Variants in BLTP1 observed in about 807,000 individuals in gnomAD.
BLTP1 encodes the protein bridge-like lipid transfer protein family member 1, also known as fragile site-associated protein.
chr4:122,350,053 G>C, the BLTP1 span: 1 of 1,613,492 alleles, frequency 6.2e-7, no homozygotes, highest in Admixed American at 1.7e-5. Context: ...TAGCAACCTA[G>C]AAAAAAGTTC....
At chr4:122,287,676 T>A in the BLTP1 span, 1 of 985,124 alleles carries the variant, frequency 1.0e-6, no homozygotes, top group African/African-American at 1.7e-5. Flanking sequence ...GATAGAAATA[T>A]TATAACTGCG....
the BLTP1 span, among the ~76,000 whole-genome samples, chr4:122,210,424 A>G: frequency 6.6e-6 from 1 of 152,140 alleles, no homozygotes; most frequent in Non-Finnish European, 1.5e-5. Flanking sequence ...ATTAGAGCCA[A>G]ATGATGATGT....
chr4:122,189,628 A>G, the BLTP1 span: 2 of 927,728 alleles, frequency 2.2e-6, no homozygotes, highest in South Asian at 1.0e-4. Context: ...ATTTTATTCC[A>G]GTGATCATCA....
chr4:122,260,900 A>G, the BLTP1 span, among the ~76,000 whole-genome samples: 3 of 152,162 alleles, frequency 2.0e-5, no homozygotes, highest in Non-Finnish European at 4.4e-5. Context: ...GATGAAGTAG[A>G]TCTGTAAGTG....
the BLTP1 span, chr4:122,299,869 A>T: frequency 1.0e-6 from 1 of 984,934 alleles, no homozygotes; most frequent in East Asian, 1.1e-4. Context: ...AAGAAAAGAA[A>T]ATGTAATCTG....
At chr4:122,154,921 T>C in the BLTP1 span, 1 of 948,452 alleles carries the variant, frequency 1.1e-6, no homozygotes, top group Non-Finnish European at 1.3e-6. Context: ...TTTTGGTTTG[T>C]TTTTCATAGA....
At chr4:122,264,369 T>C in the BLTP1 span, 2 of 1,611,712 alleles carry the variant, frequency 1.2e-6, no homozygotes, top group Non-Finnish European at 1.7e-6. Context: ...CAGGATGATG[T>C]GGCAGGTGTA....
the BLTP1 span, chr4:122,172,990 G>A: frequency 3.1e-6 from 5 of 1,608,756 alleles, no homozygotes; most frequent in Admixed American, 1.7e-5. Context: ...ACACATTACT[G>A]TGTAGAAGTA....
chr4:122,173,207 C>T, the BLTP1 span: 1 of 1,570,634 alleles, frequency 6.4e-7, no homozygotes, highest in Non-Finnish European at 8.7e-7. Context: ...GAGATGTTGT[C>T]TTACCATTTT....
the BLTP1 span, chr4:122,353,203 G>T: frequency 1.2e-5 from 19 of 1,582,204 alleles, no homozygotes; most frequent in East Asian, 3.8e-4. This position sits in a 1 kb window ranked among gnomAD's most constrained non-coding sequence, Gnocchi z 4.3. Flanking sequence ...CTTCTGTTAT[G>T]ACTATAAATG....
chr4:122,344,671 G>A, the BLTP1 span: 5 of 1,138,702 alleles, frequency 4.4e-6, no homozygotes, highest in Admixed American at 1.2e-4. Flanking sequence ...AGCTTTCAGT[G>A]ATAAGTTGAT....
the BLTP1 span, chr4:122,173,025 C>T: frequency 6.2e-7 from 1 of 1,611,076 alleles, no homozygotes; most frequent in Non-Finnish European, 8.5e-7. Flanking sequence ...TGATTTTTTT[C>T]CTCCCAACAG....
At chr4:122,176,338 A>G in the BLTP1 span, among the ~76,000 whole-genome samples, 7 of 152,144 alleles carry the variant, frequency 4.6e-5, no homozygotes, top group African/African-American at 1.7e-4. Context: ...AATTTTTAAA[A>G]ATGAGTGAAG....
the BLTP1 span, among the ~76,000 whole-genome samples, chr4:122,166,032 A>C: frequency 1.3e-4 from 20 of 151,778 alleles, no homozygotes; most frequent in Non-Finnish European, 1.2e-4. Context: ...TTGCCTGTTC[A>C]CTCTAATGGT....
At chr4:122,209,872 T>C in the BLTP1 span, 9 of 1,613,634 alleles carry the variant, frequency 5.6e-6, no homozygotes, top group East Asian at 1.8e-4. Context: ...CAATTGATTA[T>C]ACATGGCATC....
At chr4:122,255,947 G>A in the BLTP1 span, 4 of 490,116 alleles carry the variant, frequency 8.2e-6, no homozygotes, top group Admixed American at 2.6e-4. Context: ...TTAAGCAAGA[G>A]AATAATCACC....
chr4:122,152,674 C>A, the BLTP1 span: 1 of 978,588 alleles, frequency 1.0e-6, no homozygotes, highest in Non-Finnish European at 1.2e-6. Flanking sequence ...AGTCTGAGAG[C>A]TTTGGCTTAG....
chr4:122,349,480 C>G, the BLTP1 span: 1 of 1,593,212 alleles, frequency 6.3e-7, no homozygotes, highest in East Asian at 2.3e-5. This position sits in a 1 kb window ranked among gnomAD's most constrained non-coding sequence, Gnocchi z 4.5. Context: ...AATCAGCAAC[C>G]CAGTCACAAA....
the BLTP1 span, chr4:122,331,785 T>C: frequency 3.1e-6 from 3 of 972,504 alleles, no homozygotes; most frequent in Non-Finnish European, 3.7e-6. Context: ...ATTAAAATAG[T>C]TATATCTTTG....
Sources: allele counts gnomAD v4.1 joint callset (sites outside exome capture counted in the v4.1 genomes callset), GRCh38; gene constraint gnomAD v4.1.1; non-coding constraint Gnocchi (gnomAD v3.1); transcripts MANE v1.5; gene names NCBI Gene and HGNC (gene_info 2026-07-23, HGNC 2026-07-21).